Variants in STRN observed in about 807,000 individuals in gnomAD.
STRN encodes the protein protein phosphatase 2 regulatory subunit B'''alpha.
In STRN, 53 loss-of-function variants were observed where a neutral mutation model predicts 96.3. The observed-to-expected ratio is 0.55, with a 90% CI of 0.44 to 0.69. The LOEUF is 0.69. Ranked by LOEUF, STRN falls within the 30% of genes least tolerant of loss-of-function variation. The pLI is 0.00. For synonymous variants in STRN, 428 were observed against 355.9 expected, an observed-to-expected ratio of 1.20 and a Z score of -2.28; for missense variants, 987 against 963.9, an observed-to-expected ratio of 1.02 and a Z score of -0.32.
intron 1 of STRN, among the ~76,000 whole-genome samples, chr2:36,959,776 G>GA (rs1227317985): frequency 6.6e-6 from 1 of 152,084 alleles, no homozygotes; most frequent in African/African-American, 2.4e-5. Context: ...TGTAAAAACA[G>GA]AAAAAAACAA....
At chr2:36,960,983 A>G (rs1243365122) in intron 1 of STRN, among the ~76,000 whole-genome samples, 1 of 151,918 alleles carries the variant, frequency 6.6e-6, no homozygotes, top group Non-Finnish European at 1.5e-5. Flanking sequence ...TGCAGCCTTG[A>G]TCTCCAGGGC....
At chr2:36,899,680 C>A in intron 5 of STRN, 22 bp from the exon 6 acceptor site, 2 of 1,563,364 alleles carry the variant, frequency 1.3e-6, no homozygotes, top group Non-Finnish European at 8.7e-7. Context: ...CATGTATATC[C>A]TGCTTAGTTA....
At chr2:36,928,861 T>G (rs370358928) in intron 1 of STRN, among the ~76,000 whole-genome samples, 1 of 149,824 alleles carries the variant, frequency 6.7e-6, no homozygotes, top group Non-Finnish European at 1.5e-5. Flanking sequence ...AGGCACAGAA[T>G]TGCTTGAACC....
intron 6 of STRN, among the ~76,000 whole-genome samples, chr2:36,897,039 T>C (rs1669558246): frequency 6.6e-6 from 1 of 151,960 alleles, no homozygotes; most frequent in Non-Finnish European, 1.5e-5. Context: ...TGGTGGTGCA[T>C]GCTTGTAATC....
chr2:36,882,093 T>C (rs1274200054), intron 9 of STRN, among the ~76,000 whole-genome samples: 1 of 152,186 alleles, frequency 6.6e-6, no homozygotes, highest in Non-Finnish European at 1.5e-5. Flanking sequence ...AACCATGTAC[T>C]GGTCAAAAAT....
rs761088864 is a variant in STRN at position 36,861,217 on chromosome 2, A to C, written c.1584T>G (p.Gly528=). Residue 528 remains glycine, a synonymous_variant, in exon 13 of 18, where the codon GGT becomes GGG. Transcript: ENST00000263918. ...CAGTACCACCACTGTAACACTGCTC[A>C]CCATTGCTGCTCATTACCACACAAA... ...PVLCVVMSSN[G]EQCYSGGTDG... 6.2e-6 allele frequency: 10 copies of C among 1,614,098 alleles called. No individual in the cohort carries two copies. The highest frequency in any genetic ancestry group is 3.3e-4 in the Middle Eastern group (2 of 6,062).
chr2:36,904,877 G>C (rs1015117849), intron 4 of STRN, among the ~76,000 whole-genome samples: 2 of 151,938 alleles, frequency 1.3e-5, no homozygotes, highest in Admixed American at 1.3e-4. Context: ...ATATATGTTA[G>C]GCAATATTTG....
chr2:36,884,106 TAAAAAAG>T (rs1669149652), intron 8 of STRN, 31 bp from the exon 9 acceptor site: 2 of 1,313,556 alleles, frequency 1.5e-6, no homozygotes, highest in South Asian at 3.1e-5. Flanking sequence ...TGGGAGGAGA[TAAAAAAG>T]AGAAAAGAGA....
At chr2:36,927,053 C>T (rs1464860279) in intron 1 of STRN, among the ~76,000 whole-genome samples, 1 of 152,038 alleles carries the variant, frequency 6.6e-6, no homozygotes, top group Non-Finnish European at 1.5e-5. Context: ...AAGGTAATAA[C>T]AATATCAATT....
intron 15 of STRN, among the ~76,000 whole-genome samples, chr2:36,854,813 C>T (rs201287375): frequency 6.6e-6 from 1 of 151,994 alleles, no homozygotes; most frequent in Non-Finnish European, 1.5e-5. Context: ...ATTCTGAGTG[C>T]CACAACATGA....
chr2:36,914,704 C>CA (rs1466243652), intron 3 of STRN, among the ~76,000 whole-genome samples: 1 of 152,098 alleles, frequency 6.6e-6, no homozygotes, highest in Non-Finnish European at 1.5e-5. Flanking sequence ...AATACAGAAG[C>CA]AACATGGTAA....
At chr2:36,858,523 C>G (rs1486518358) in intron 13 of STRN, among the ~76,000 whole-genome samples, 1 of 152,170 alleles carries the variant, frequency 6.6e-6, no homozygotes, top group African/African-American at 2.4e-5. Context: ...CAGGAAGTGA[C>G]ATCTACAGGA....
intron 10 of STRN, among the ~76,000 whole-genome samples, chr2:36,870,762 C>T (rs1224547858): frequency 6.6e-6 from 1 of 152,086 alleles, no homozygotes; most frequent in Non-Finnish European, 1.5e-5. Flanking sequence ...ATTCCTTCTA[C>T]TTATTTTTTA....
intron 1 of STRN, among the ~76,000 whole-genome samples, chr2:36,926,994 A>G (rs1558656306): frequency 6.6e-6 from 1 of 152,212 alleles, no homozygotes; most frequent in Non-Finnish European, 1.5e-5. Flanking sequence ...TATGCTCTTT[A>G]AAATGACTTT....
At position 36,845,762 on chromosome 2, in the gene STRN, A is replaced by C. The variant is rs983288182; in HGVS notation, c.*3694T>G. On this transcript the variant is annotated 3_prime_UTR_variant, in exon 18 of 18. Transcript: ENST00000263918. ...AGGAATTCACATTCAAAATTCTTGG[A>C]AAGTATATATGGTGCTCAGAAGAGC... 7 of 152,042 alleles carry C rather than the reference A, an allele frequency of 4.6e-5. No individual in the cohort carries two copies. The highest frequency in any genetic ancestry group is 1.7e-4 in the African/African-American group (7 of 41,370). The allele number at this position is 152,042 out of a possible 1,614,324, so 9.4% of individuals were successfully genotyped here.
chr2:36,919,850 T>A (rs1484108145), intron 2 of STRN, among the ~76,000 whole-genome samples: 1 of 152,192 alleles, frequency 6.6e-6, no homozygotes, highest in Non-Finnish European at 1.5e-5. Flanking sequence ...ACATAGATGT[T>A]CCTAAGTCAA....
chr2:36,894,280 T>C lies in STRN; in HGVS notation c.796-247A>G, dbSNP rs1572654843. Reference sequence around the variant, plus strand: ...ACTAACGGAACCACATACTGAAATATAAGACATGTACTGAAATGACAGATA... The same window carrying C: ...ACTAACGGAACCACATACTGAAATACAAGACATGTACTGAAATGACAGATA... On this transcript the variant is annotated intron_variant, in intron 6 of 17. Transcript: ENST00000263918. Among the ~76,000 whole-genome samples the C allele has an allele frequency of 3.9e-5, 6 of 152,318 alleles. No homozygotes were observed. In the South Asian group the frequency reaches 8.3e-4, roughly 21 times the overall value.
At chr2:36,922,249 T>C (rs191099767) in intron 2 of STRN, among the ~76,000 whole-genome samples, 1 of 152,282 alleles carries the variant, frequency 6.6e-6, no homozygotes, top group Non-Finnish European at 1.5e-5. Context: ...CTGGGCATGG[T>C]GACTCACGCC....
At chr2:36,876,029 G>A (rs540362943) in intron 10 of STRN, among the ~76,000 whole-genome samples, 1 of 152,286 alleles carries the variant, frequency 6.6e-6, no homozygotes, top group East Asian at 1.9e-4. Context: ...CATTTAGTGG[G>A]AGGCTGAGGC....
Sources: gnomAD v4.1 joint callset for allele counts (sites outside exome capture counted in the v4.1 genomes callset) on GRCh38, gnomAD v4.1.1 for gene constraint, MANE v1.5 for transcripts, NCBI Gene and HGNC (gene_info 2026-07-23, HGNC 2026-07-21) for gene names.